Variants in ABLIM1 observed in about 807,000 individuals in gnomAD.
ABLIM1 encodes the protein actin binding LIM protein 1.
ABLIM1 carries 40 observed loss-of-function variants against 107.0 expected under a neutral mutation model. The ratio of observed to expected loss-of-function variants is 0.37; its 90% CI spans 0.29 to 0.49. The LOEUF is 0.49. ABLIM1 is among the 20% of genes least tolerant of loss of function. The probability of loss-of-function intolerance (pLI) is 0.97; values close to 1 mark genes in which losing one functional copy is unlikely to be tolerated. For synonymous variants in ABLIM1, 357 were observed against 357.3 expected (o/e 1.00, Z 0.01); for missense variants, 857 against 1,008.5 (o/e 0.85, Z 2.04).
intron 1 of ABLIM1, among the ~76,000 whole-genome samples, chr10:114,675,370 T>C (rs2080435134): frequency 6.6e-6 from 1 of 152,218 alleles, no homozygotes; most frequent in African/African-American, 2.4e-5. Context: ...TTCCATGCTA[T>C]TCTTGTGATA....
chr10:114,597,640 C>G (rs965002514), intron 2 of ABLIM1, among the ~76,000 whole-genome samples: 1 of 152,094 alleles, frequency 6.6e-6, no homozygotes, highest in African/African-American at 2.4e-5. Context: ...AAGGCTCTAG[C>G]TAATGAGAAA....
At chr10:114,713,387 C>G (rs928244647) in intron 1 of ABLIM1, among the ~76,000 whole-genome samples, 1 of 152,018 alleles carries the variant, frequency 6.6e-6, no homozygotes, top group Non-Finnish European at 1.5e-5. Context: ...GCTGGGGTGG[C>G]AAATAGCATA....
At chr10:114,740,849 G>C (rs1259841232) in intron 1 of ABLIM1, among the ~76,000 whole-genome samples, 1 of 151,904 alleles carries the variant, frequency 6.6e-6, no homozygotes, top group Non-Finnish European at 1.5e-5. Flanking sequence ...TTCGAGACTA[G>C]CCTAGCCAAC....
At chr10:114,774,524 T>C in the ABLIM1 span, among the ~76,000 whole-genome samples, 1 of 152,212 alleles carries the variant, frequency 6.6e-6, no homozygotes, top group Non-Finnish European at 1.5e-5. Context: ...GAGACCTTAC[T>C]GATTCCTAAG....
At chr10:114,593,039 G>A (rs938255050) in intron 2 of ABLIM1, among the ~76,000 whole-genome samples, 2 of 34,394 alleles carry the variant, frequency 5.8e-5, no homozygotes, top group Non-Finnish European at 1.4e-4. Flanking sequence ...TCTGAGTATG[G>A]GGTACTCAAT....
intron 1 of ABLIM1, among the ~76,000 whole-genome samples, chr10:114,727,228 C>G (rs143434772): frequency 0.01 from 1,569 of 152,166 alleles, 39 homozygotes; most frequent in African/African-American, 0.036. Context: ...AAGCCTTCAC[C>G]CAGAAAGAAT....
chr10:114,591,089 A>T (rs1284450903), intron 2 of ABLIM1, among the ~76,000 whole-genome samples: 5 of 152,218 alleles, frequency 3.3e-5, no homozygotes, highest in Non-Finnish European at 5.9e-5. Flanking sequence ...TCACCATAAT[A>T]GTTCAACTGT....
At chr10:114,611,742 T>C (rs974891702) in intron 1 of ABLIM1, among the ~76,000 whole-genome samples, 3 of 152,176 alleles carry the variant, frequency 2.0e-5, no homozygotes, top group African/African-American at 7.2e-5. Flanking sequence ...CTGCCTTCTC[T>C]ATGTGAAGGT....
chr10:114,583,224 G>A (rs2073634199), intron 2 of ABLIM1, among the ~76,000 whole-genome samples: 1 of 151,256 alleles, frequency 6.6e-6, no homozygotes, highest in African/African-American at 2.4e-5. Context: ...AAGAAGATAT[G>A]CAAGAAGCCA....
chr10:114,617,543 CAGGCATG>C lies in ABLIM1; in HGVS notation c.245-15589_245-15583del, dbSNP rs2077206530. Among the ~76,000 whole-genome samples, 4 of 152,078 alleles carry C rather than the reference CAGGCATG, an allele frequency of 2.6e-5. No individual in the cohort carries two copies. In the South Asian group the frequency reaches 6.2e-4, roughly 24 times the overall value. ...TCGCCCTCCCAAAGTGCTGGGATTA[CAGGCATG>C]AGCCACTGTGCCCAGCTTCTCACCA... On this transcript the variant is annotated intron_variant, in intron 1 of 22. Transcript: ENST00000533213.
At chr10:114,758,725 T>A (rs2142547157) in intron 1 of ABLIM1, among the ~76,000 whole-genome samples, 1 of 152,244 alleles carries the variant, frequency 6.6e-6, no homozygotes, top group Middle Eastern at 3.4e-3. Context: ...TTAAATGAAT[T>A]CCCAATAAGT....
chr10:114,589,394 T>C (rs7910667), intron 2 of ABLIM1, among the ~76,000 whole-genome samples: 15,000 of 151,730 alleles, frequency 0.099, 2,410 homozygotes, highest in African/African-American at 0.33. Context: ...CTAGGTATGG[T>C]GGTGCACACC....
chr10:114,434,434 A>G lies in ABLIM1; in HGVS notation c.*1826T>C, dbSNP rs1396875645. On this transcript the variant is annotated 3_prime_UTR_variant, in exon 23 of 23. Transcript: ENST00000533213. ...CTATAGAACAGTGACTGTTCATTCC[A>G]TCCCCCAAATGACAGCGGTGAGCCA... 1 of 152,116 alleles carries G rather than the reference A, an allele frequency of 6.6e-6. No homozygotes were observed. Among genetic ancestry groups the G allele is most frequent in the Non-Finnish European group, 1.5e-5 (1 of 68,018 alleles). The allele number at this position is 152,116 out of a possible 1,614,324, so 9.4% of individuals were successfully genotyped here. A position where few individuals can be genotyped will look rare whatever the true frequency, so the allele number is the denominator to read the frequency against.
At chr10:114,465,157 GAAATGATT>G (rs1286236932) in intron 12 of ABLIM1, among the ~76,000 whole-genome samples, 3 of 152,116 alleles carry the variant, frequency 2.0e-5, no homozygotes, top group Non-Finnish European at 4.4e-5. Flanking sequence ...CTTAGGGTTG[GAAATGATT>G]TTATGTTTCC....
chr10:114,477,441 A>C (rs564227946), intron 8 of ABLIM1, among the ~76,000 whole-genome samples: 13 of 152,288 alleles, frequency 8.5e-5, no homozygotes, highest in African/African-American at 2.6e-4. Context: ...GTGAACAGCC[A>C]AAGTGTACAC....
At chr10:114,701,523 A>G (rs75549738) in intron 1 of ABLIM1, among the ~76,000 whole-genome samples, 2,453 of 152,284 alleles carry the variant, frequency 0.016, 63 homozygotes, top group African/African-American at 0.055. Flanking sequence ...AAGAATGTCC[A>G]TCAATAGAAT....
intron 1 of ABLIM1, among the ~76,000 whole-genome samples, chr10:114,618,427 G>T (rs961552760): frequency 6.6e-6 from 1 of 152,112 alleles, no homozygotes; most frequent in Non-Finnish European, 1.5e-5. Flanking sequence ...CTCCTGATGT[G>T]GAGAGAAAAT....
chr10:114,719,867 C>T (rs1378943641), intron 1 of ABLIM1, among the ~76,000 whole-genome samples: 1 of 152,196 alleles, frequency 6.6e-6, no homozygotes. Flanking sequence ...AATAATTTAT[C>T]TTATAAAACT....
intron 8 of ABLIM1, among the ~76,000 whole-genome samples, chr10:114,479,964 C>T (rs1810221071): frequency 6.6e-6 from 1 of 152,164 alleles, no homozygotes; most frequent in Admixed American, 6.6e-5. Flanking sequence ...CTTCAAAAGG[C>T]TCAGAGCTGT....
Sources: gnomAD v4.1 joint callset for allele counts (sites outside exome capture counted in the v4.1 genomes callset) on GRCh38, gnomAD v4.1.1 for gene constraint, MANE v1.5 for transcripts, NCBI Gene and HGNC (gene_info 2026-07-23, HGNC 2026-07-21) for gene names.